COX16: variants seen among roughly 807,000 people sequenced by gnomAD.
COX16 encodes cytochrome c oxidase assembly factor COX16, also known as cytochrome c oxidase assembly protein COX16 homolog, mitochondrial.
Under a neutral mutation model 15.4 loss-of-function variants are expected in COX16, and 12 were observed. That is an observed-to-expected ratio of 0.78 (90% CI 0.50 to 1.26). The LOEUF (loss-of-function observed/expected upper bound fraction) is 1.26. COX16 is among the 50% of genes most tolerant of loss of function. The probability of loss-of-function intolerance (pLI) is 0.00; values close to 1 mark genes in which losing one functional copy is unlikely to be tolerated. For synonymous variants in COX16, 46 were observed against 41.1 expected, an observed-to-expected ratio of 1.12 and a Z score of -0.46; for missense variants, 124 against 127.6, an observed-to-expected ratio of 0.97 and a Z score of 0.14.
At chr14:70,353,904 G>C (rs1458178045) in intron 1 of COX16, among the ~76,000 whole-genome samples, 9 of 151,998 alleles carry the variant, frequency 5.9e-5, no homozygotes, top group African/African-American at 1.7e-4. Context: ...TAATTTTGAA[G>C]TTGAGAATAC....
At chr14:70,352,487 G>C (rs866027874) in intron 1 of COX16, among the ~76,000 whole-genome samples, 23 of 151,708 alleles carry the variant, frequency 1.5e-4, no homozygotes, top group Admixed American at 5.2e-4. Flanking sequence ...ACACCCAGTG[G>C]AGATCTTTTT....
intron 2 of COX16, among the ~76,000 whole-genome samples, chr14:70,341,297 T>G (rs1481520158): frequency 6.6e-6 from 1 of 152,168 alleles, no homozygotes; most frequent in Non-Finnish European, 1.5e-5. Context: ...AATTTAAAAT[T>G]TACCCTAATA....
chr14:70,332,503 G>C (rs1355749423), intron 2 of COX16, among the ~76,000 whole-genome samples: 1 of 152,228 alleles, frequency 6.6e-6, no homozygotes, highest in East Asian at 1.9e-4. Flanking sequence ...GGGGGGCCCA[G>C]TCTCAGTTCT....
intron 1 of COX16, among the ~76,000 whole-genome samples, chr14:70,353,109 A>T (rs957507952): frequency 4.0e-5 from 6 of 151,872 alleles, no homozygotes; most frequent in Non-Finnish European, 8.8e-5. Flanking sequence ...AAAAATACAT[A>T]AAGTAGCCGG....
chr14:70,329,276 G>T, intron 2 of COX16, 40 bp from the exon 3 acceptor site: 4 of 1,502,998 alleles, frequency 2.7e-6, no homozygotes, highest in Non-Finnish European at 3.6e-6. Context: ...ATCTAAGTCT[G>T]TTTGTTAGAC....
intron 1 of COX16, among the ~76,000 whole-genome samples, chr14:70,357,623 G>A (rs1163092166): frequency 6.6e-6 from 1 of 152,186 alleles, no homozygotes; most frequent in Non-Finnish European, 1.5e-5. Flanking sequence ...ATATTCAAAT[G>A]ACCAATAAAC....
chr14:70,354,821 A>G (rs2140758601), intron 1 of COX16, among the ~76,000 whole-genome samples: 1 of 127,824 alleles, frequency 7.8e-6, no homozygotes, highest in South Asian at 2.7e-4. Flanking sequence ...GTGCAGGACT[A>G]TGCATAGAGT....
At chr14:70,347,923 T>C (rs1244125519) in intron 1 of COX16, among the ~76,000 whole-genome samples, 4 of 152,088 alleles carry the variant, frequency 2.6e-5, no homozygotes, top group Admixed American at 2.0e-4. Flanking sequence ...AAAGGCCCTC[T>C]CCATGAGCCT....
At chr14:70,334,359 C>G (rs906466962) in intron 2 of COX16, among the ~76,000 whole-genome samples, 1 of 152,060 alleles carries the variant, frequency 6.6e-6, no homozygotes, top group Non-Finnish European at 1.5e-5. Flanking sequence ...CCCGTCTCTA[C>G]TAAAATTACA....
At chr14:70,342,453 A>G (rs530878413) in intron 2 of COX16, among the ~76,000 whole-genome samples, 6 of 152,354 alleles carry the variant, frequency 3.9e-5, no homozygotes, top group African/African-American at 1.4e-4. Context: ...GCAAAAGAAA[A>G]AAAGAAAGAT....
At chr14:70,352,848 C>T (rs1430269434) in intron 1 of COX16, among the ~76,000 whole-genome samples, 1 of 151,754 alleles carries the variant, frequency 6.6e-6, no homozygotes. Context: ...TAAATGACAT[C>T]TTCACTTCTT....
chr14:70,331,020 T>G (rs1886270900), intron 2 of COX16, among the ~76,000 whole-genome samples: 1 of 152,200 alleles, frequency 6.6e-6, no homozygotes, highest in African/African-American at 2.4e-5. Flanking sequence ...ATTGAACTTT[T>G]TTTCTTTGAG....
chr14:70,340,143 T>C (rs755702331), intron 2 of COX16, among the ~76,000 whole-genome samples: 3 of 152,212 alleles, frequency 2.0e-5, no homozygotes, highest in Non-Finnish European at 4.4e-5. Flanking sequence ...AGTAATCAAA[T>C]CATGGACGTG....
intron 2 of COX16, among the ~76,000 whole-genome samples, chr14:70,333,172 T>A (rs1886345158): frequency 6.6e-6 from 1 of 152,176 alleles, no homozygotes; most frequent in African/African-American, 2.4e-5. Context: ...GCACAAACTG[T>A]CACATTTCCT....
chr14:70,347,018 G>C (rs573023848), intron 1 of COX16, among the ~76,000 whole-genome samples: 1 of 151,638 alleles, frequency 6.6e-6, no homozygotes, highest in Non-Finnish European at 1.5e-5. Context: ...TCCCCCATCC[G>C]TAGTTAACCC....
chr14:70,326,178 G>A lies in COX16; in HGVS notation c.*155C>T. ...CTGGGAAGTATAAAAACCTGTACAT[G>A]ACCTTTAGTGAAGATTATTTGTCAT... is the stretch of plus-strand genomic sequence containing the variant. On this transcript the variant is annotated 3_prime_UTR_variant, in exon 4 of 4. Coordinates refer to ENST00000389912, the MANE Select transcript of COX16 (RefSeq NM_016468.7). 1 of 482,126 alleles carries A rather than the reference G, an allele frequency of 2.1e-6. No individual in the cohort carries two copies. Among genetic ancestry groups the A allele is most frequent in the East Asian group, 3.9e-5 (1 of 25,642 alleles). 29.9% of individuals were successfully genotyped at this position (482,126 alleles called of 1,614,324 possible).
intron 1 of COX16, among the ~76,000 whole-genome samples, chr14:70,358,129 C>T (rs1207232860): frequency 6.6e-6 from 1 of 152,046 alleles, no homozygotes; most frequent in African/African-American, 2.4e-5. Context: ...AAAAAACCCA[C>T]GTTGTATTAG....
In COX16 at chr14:70,326,287, A is replaced by AT; in HGVS notation, c.*45dup. ...TATATATTAGGAAGTCCAGTTAATAATATTTTTATTTAAAAAAAAAAAAAA... is the reference window on the plus strand; with the variant it reads ...TATATATTAGGAAGTCCAGTTAATAATTATTTTTATTTAAAAAAAAAAAAAA... On this transcript the variant is annotated 3_prime_UTR_variant, in exon 4 of 4. Transcript: ENST00000389912. 1.5e-5 allele frequency: 21 copies of AT among 1,370,038 alleles called. No individual in the cohort carries two copies. The highest frequency in any genetic ancestry group is 2.0e-5 in the Non-Finnish European group (21 of 1,048,760). 84.9% of individuals were successfully genotyped at this position (1,370,038 alleles called of 1,614,324 possible).
chr14:70,353,325 A>C (rs1404639206), intron 1 of COX16, among the ~76,000 whole-genome samples: 1 of 149,818 alleles, frequency 6.7e-6, no homozygotes, highest in African/African-American at 2.4e-5. Flanking sequence ...TGAAGCTGAA[A>C]GATGTAGCCA....
Sources: allele counts gnomAD v4.1 joint callset (sites outside exome capture counted in the v4.1 genomes callset), GRCh38; gene constraint gnomAD v4.1.1; transcripts MANE v1.5; gene names NCBI Gene and HGNC (gene_info 2026-07-23, HGNC 2026-07-21).